The following EIF2AK1 variants were observed in gnomAD, a reference collection of about 807,000 sequenced individuals.
EIF2AK1 encodes the protein eukaryotic translation initiation factor 2 alpha kinase 1.
Under a neutral mutation model 77.9 loss-of-function variants are expected in EIF2AK1, and 54 were observed. The ratio of observed to expected loss-of-function variants is 0.69; its 90% CI spans 0.56 to 0.87. The LOEUF (loss-of-function observed/expected upper bound fraction) is 0.87, where lower values mean the gene tolerates loss of function less well. Ranked by LOEUF, EIF2AK1 falls within the 40% of genes least tolerant of loss-of-function variation. The probability of loss-of-function intolerance (pLI) is 0.00; values close to 1 mark genes in which losing one functional copy is unlikely to be tolerated. For missense variants in EIF2AK1, 810 were observed against 768.6 expected (o/e 1.05, Z -0.64); for synonymous variants, 314 against 290.5 (o/e 1.08, Z -0.82).
chr7:6,043,218 G>C (rs1346356542), intron 7 of EIF2AK1, among the ~76,000 whole-genome samples: 1 of 152,134 alleles, frequency 6.6e-6, no homozygotes, highest in Non-Finnish European at 1.5e-5. Flanking sequence ...CAGAGGACTT[G>C]ACAGTAAATA....
chr7:6,045,733 T>TTATATATATATATATATATATA lies in EIF2AK1; in HGVS notation c.630+337_630+338insTATATATATATATATATATATA, dbSNP rs57579824. 5.1e-4 allele frequency among the ~76,000 whole-genome samples: 71 copies of TTATATATATATATATATATATA among 138,018 alleles called. 1 individual carries two copies. The highest frequency in any genetic ancestry group is 3.6e-3 in the Middle Eastern group (1 of 276). The allele number at this position is 138,018 out of a possible 152,430, so 90.5% of individuals were successfully genotyped here. On this transcript the variant is annotated intron_variant, in intron 6 of 14. Transcript: ENST00000199389. ...TTAAGAAGTTAACATATTTTAAAAA[T>TTATATATATATATATATATATA]TATATATATATATATATATAAATTA...
rs1377597799 is a variant in EIF2AK1 at position 6,032,643 on chromosome 7, T to G, written c.1333-3611A>C. 6.6e-6 allele frequency among the ~76,000 whole-genome samples: 1 copy of G among 152,218 alleles called. No homozygotes were observed. Among genetic ancestry groups the G allele is most frequent in the Non-Finnish European group, 1.5e-5 (1 of 68,044 alleles). On this transcript the variant is annotated intron_variant, in intron 11 of 14. Coordinates refer to ENST00000199389, the MANE Select transcript of EIF2AK1 (RefSeq NM_014413.4). This position sits in a 1 kb window ranked among gnomAD's most constrained non-coding sequence, Gnocchi z 4.3. Reference sequence around the variant, plus strand: ...ATGTGCATTTCTGTGAAACACAGATTTTATAGGATGGAATTCACTGAATTT... The same window carrying G: ...ATGTGCATTTCTGTGAAACACAGATGTTATAGGATGGAATTCACTGAATTT...
rs1273264110 is a variant in EIF2AK1 at position 6,037,472 on chromosome 7, T to C, written c.1284A>G (p.Glu428=). Residue 428 remains glutamate, a synonymous_variant, in exon 11 of 15, where the codon GAA becomes GAG. Coordinates refer to ENST00000199389, the MANE Select transcript of EIF2AK1 (RefSeq NM_014413.4). ...VATKIFQELV[E]GVFYIHNMGI... The stretch of plus-strand genomic sequence containing the variant: ...CCATGTTATGTATGTAAAACACACC[T>C]TCTACCAATTCTTGAAAAATTTTTG... 2 of 1,613,566 alleles carry C rather than the reference T, an allele frequency of 1.2e-6. No individual in the cohort carries two copies. The highest frequency in any genetic ancestry group is 1.7e-6 in the Non-Finnish European group (2 of 1,179,742).
rs1373943430 is a variant in EIF2AK1, at chr7:6,022,808, A to T, written c.*1865T>A. 1 of 154,428 alleles carries T rather than the reference A, an allele frequency of 6.5e-6. No individual in the cohort carries two copies. Among genetic ancestry groups the T allele is most frequent in the Non-Finnish European group, 1.4e-5 (1 of 69,602 alleles). The allele number at this position is 154,428 out of a possible 1,614,324, so 9.6% of individuals were successfully genotyped here. A position where few individuals can be genotyped will look rare whatever the true frequency, so the allele number is the denominator to read the frequency against. ...TTACCATCATAGGGACACTGAAGTT[A>T]TCTTCTCATATGGCCATATAAAGAT... On this transcript the variant is annotated 3_prime_UTR_variant, in exon 15 of 15. Coordinates refer to ENST00000199389, the MANE Select transcript of EIF2AK1 (RefSeq NM_014413.4).
intron 11 of EIF2AK1, among the ~76,000 whole-genome samples, chr7:6,034,945 G>C (rs1788033508): frequency 1.3e-5 from 2 of 152,148 alleles, no homozygotes; most frequent in Admixed American, 6.5e-5. Flanking sequence ...GAGCCTCTAA[G>C]AAAGGAGTCA....
At position 6,026,271 on chromosome 7, in the gene EIF2AK1, C is replaced by T. The variant is rs535170714; in HGVS notation, c.1764+457G>A. ...GTCACCAGCCCTGCCAGTGATGAGC[C>T]CCCGGCAGACATACAGACAGCCCAG... On this transcript the variant is annotated intron_variant, in intron 14 of 14. Transcript: ENST00000199389. 1.4e-4 allele frequency among the ~76,000 whole-genome samples: 21 copies of T among 152,260 alleles called. 1 individual carries two copies. In the East Asian group the frequency reaches 4.1e-3, roughly 29 times the overall value.
chr7:6,033,649 G>GGCACCATTCTCCTGGGTTC lies in EIF2AK1; in HGVS notation c.1332+3756_1332+3774dup, dbSNP rs538565728. Among the ~76,000 whole-genome samples, 674 of 152,126 alleles carry GGCACCATTCTCCTGGGTTC rather than the reference G, an allele frequency of 4.4e-3. 5 individuals carry two copies. The highest frequency in any genetic ancestry group is 7.1e-3 in the Non-Finnish European group (481 of 68,000). ...TCTGTCGCCCAGGCTGGAGTGCAGT[G>GGCACCATTCTCCTGGGTTC]GCACCATTCTCCTGGGTTCACGCCA... On this transcript the variant is annotated intron_variant, in intron 11 of 14. Coordinates refer to ENST00000199389, the MANE Select transcript of EIF2AK1 (RefSeq NM_014413.4). The surrounding 1 kb of genome is among the most constrained non-coding windows in gnomAD (Gnocchi z 4.4).
intron 8 of EIF2AK1, 132 bp from the exon 9 acceptor site, chr7:6,041,351 C>T (rs1433573917): frequency 3.3e-6 from 3 of 909,392 alleles, no homozygotes; most frequent in Non-Finnish European, 4.9e-6. Context: ...CCAGCTTACC[C>T]AACATGGTAA....
Position 6,032,118 on chromosome 7 carries a change from G to A in EIF2AK1, c.1333-3086C>T, listed in dbSNP as rs138463041. On this transcript the variant is annotated intron_variant, in intron 11 of 14. Coordinates refer to ENST00000199389, the MANE Select transcript of EIF2AK1 (RefSeq NM_014413.4). The surrounding 1 kb of genome is among the most constrained non-coding windows in gnomAD (Gnocchi z 4.3). ...GAACCCAGGAGGCAGAGGTTGCAGT[G>A]AGCCAAGATCGTACCACTGCACTCT... is the stretch of plus-strand genomic sequence containing the variant. Among the ~76,000 whole-genome samples the A allele has an allele frequency of 1.3e-3, 194 of 152,304 alleles. No homozygotes were observed. Among genetic ancestry groups the A allele is most frequent in the African/African-American group, 3.5e-3 (146 of 41,548 alleles).
Position 6,023,686 on chromosome 7 carries a change from A to C in EIF2AK1, c.*987T>G, listed in dbSNP as rs1445406759. On this transcript the variant is annotated 3_prime_UTR_variant, in exon 15 of 15. Transcript: ENST00000199389. ...TTTTAACACGGCCCTCAAGCTCCTTAAGTGAATTGCCGTAACTGATTTTAA... is the reference window on the plus strand; with the variant it reads ...TTTTAACACGGCCCTCAAGCTCCTTCAGTGAATTGCCGTAACTGATTTTAA... 3.7e-6 allele frequency: 6 copies of C among 1,613,952 alleles called. No homozygotes were observed. The highest frequency in any genetic ancestry group is 5.1e-6 in the Non-Finnish European group (6 of 1,179,986).
In EIF2AK1 at chr7:6,057,002, C is replaced by T. The variant is rs145392367; in HGVS notation, c.118+1964G>A. 5.4e-4 allele frequency among the ~76,000 whole-genome samples: 82 copies of T among 151,970 alleles called. 1 individual carries two copies. The highest frequency in any genetic ancestry group is 8.8e-5 in the Non-Finnish European group (6 of 67,982). On this transcript the variant is annotated intron_variant, in intron 1 of 14. Coordinates refer to ENST00000199389, the MANE Select transcript of EIF2AK1 (RefSeq NM_014413.4). ...TTTGTTTCTCTTTCTGGTCAAAAAT[C>T]ATAGGCTTGGCTGGGCACAGTGGCT...
intron 6 of EIF2AK1, 49 bp downstream of exon 6, chr7:6,046,022 A>G (rs13226370): frequency 7.9e-7 from 1 of 1,271,088 alleles, no homozygotes. Flanking sequence ...TCTTTCAAAA[A>G]GAACTAAATA....
In EIF2AK1 at chr7:6,024,325, G is replaced by GC. The variant is rs1343862578; in HGVS notation, c.*347dup. On this transcript the variant is annotated 3_prime_UTR_variant, in exon 15 of 15. Transcript: ENST00000199389. ...GGAACAGTCCAGTGAGTATGTGCAG[G>GC]CCCGGGCTTGGGCAGTGACGAGGGC... 12 of 1,220,558 alleles carry GC rather than the reference G, an allele frequency of 9.8e-6. No individual in the cohort carries two copies. Among genetic ancestry groups the GC allele is most frequent in the Non-Finnish European group, 1.2e-5 (12 of 964,694 alleles). The allele number at this position is 1,220,558 out of a possible 1,614,324, so 75.6% of individuals were successfully genotyped here.
intron 4 of EIF2AK1, among the ~76,000 whole-genome samples, chr7:6,048,378 G>A (rs1314529434): frequency 6.6e-6 from 1 of 152,180 alleles, no homozygotes; most frequent in African/African-American, 2.4e-5. Flanking sequence ...ATGTTTTCAA[G>A]ATTCATCCAT....
rs941492763 is a variant in EIF2AK1, at chr7:6,035,820, G to A, written c.1332+1604C>T. 1 of 1,549,872 alleles carries A rather than the reference G, an allele frequency of 6.5e-7. No individual in the cohort carries two copies. Among genetic ancestry groups the A allele is most frequent in the Non-Finnish European group, 8.7e-7 (1 of 1,146,250 alleles). On this transcript the variant is annotated intron_variant, in intron 11 of 14. Coordinates refer to ENST00000199389, the MANE Select transcript of EIF2AK1 (RefSeq NM_014413.4). This position sits in a 1 kb window ranked among gnomAD's most constrained non-coding sequence, Gnocchi z 5.5. The stretch of plus-strand genomic sequence containing the variant: ...CTATGGAGCAAACGTCAACTGTGCT[G>A]TCTCTTCCACGGGGAACACGCCCCT...
rs538106857 is a variant in EIF2AK1 at position 6,036,144 on chromosome 7, T to C, written c.1332+1280A>G. The C allele has an allele frequency of 6.4e-7, 1 of 1,550,496 alleles. No individual in the cohort carries two copies. The highest frequency in any genetic ancestry group is 1.4e-5 in the African/African-American group (1 of 73,140). ...TCTGGCCAGGCTACTTTATCACACT[T>C]ATCCTCTGAGAATGACCAATAACCA... On this transcript the variant is annotated intron_variant, in intron 11 of 14. Coordinates refer to ENST00000199389, the MANE Select transcript of EIF2AK1 (RefSeq NM_014413.4). This position sits in a 1 kb window ranked among gnomAD's most constrained non-coding sequence, Gnocchi z 4.6.
Position 6,024,594 on chromosome 7 carries a change from G to A in EIF2AK1, c.*79C>T, listed in dbSNP as rs1254737055. 6.3e-6 allele frequency: 10 copies of A among 1,595,172 alleles called. No homozygotes were observed. The highest frequency in any genetic ancestry group is 8.5e-6 in the Non-Finnish European group (10 of 1,173,904). On this transcript the variant is annotated 3_prime_UTR_variant, in exon 15 of 15. Transcript: ENST00000199389. ...CTTGTAAAGGCTTACTAAATACAAC[G>A]AAGCATTGTACCAACTATACCCTAA...
intron 8 of EIF2AK1, 114 bp downstream of exon 8, chr7:6,042,819 T>A: frequency 1.3e-6 from 1 of 799,076 alleles, no homozygotes; most frequent in South Asian, 1.7e-5. Context: ...TGAGCCAAGA[T>A]TGTGCCACTG....
chr7:6,037,245 A>G (rs191029155), intron 11 of EIF2AK1, among the ~76,000 whole-genome samples, 179 bp downstream of exon 11: 1 of 152,096 alleles, frequency 6.6e-6, no homozygotes, highest in African/African-American at 2.4e-5. Flanking sequence ...AAAAAAAAAA[A>G]TTCGACCTAA....
Sources: gnomAD v4.1 joint callset for allele counts (sites outside exome capture counted in the v4.1 genomes callset) on GRCh38, gnomAD v4.1.1 for gene constraint, Gnocchi (gnomAD v3.1) non-coding constraint, MANE v1.5 for transcripts, NCBI Gene and HGNC (gene_info 2026-07-23, HGNC 2026-07-21) for gene names.